TDRD5: variants seen among roughly 807,000 people sequenced by gnomAD.
The protein encoded by TDRD5 is tudor domain-containing protein 5.
Under a neutral mutation model 120.6 loss-of-function variants are expected in TDRD5, and 41 were observed. The observed-to-expected ratio is 0.34, with a 90% confidence interval of 0.26 to 0.44. The LOEUF is 0.44. TDRD5 is among the 20% of genes least tolerant of loss of function. The pLI is 1.00. For synonymous variants in TDRD5, 430 were observed against 433.7 expected (o/e 0.99, Z 0.11); for missense variants, 1,006 against 1,221.2 (o/e 0.82, Z 2.63).
intron 6 of TDRD5, among the ~76,000 whole-genome samples, chr1:179,624,531 A>G (rs548444832): frequency 6.6e-6 from 1 of 152,366 alleles, no homozygotes; most frequent in Admixed American, 6.5e-5. Flanking sequence ...TAAGGAATCC[A>G]TGAAAAAGCT....
intron 16 of TDRD5, among the ~76,000 whole-genome samples, chr1:179,665,578 T>A (rs961982236): frequency 6.6e-6 from 1 of 152,208 alleles, no homozygotes; most frequent in Non-Finnish European, 1.5e-5. Context: ...GGATTCTTAA[T>A]CCTATTCTCT....
chr1:179,632,391 A>G (rs1189258595), intron 7 of TDRD5, among the ~76,000 whole-genome samples: 2 of 148,286 alleles, frequency 1.3e-5, no homozygotes, highest in Admixed American at 6.7e-5. Flanking sequence ...TATGATGGAC[A>G]GGTTTTGTTT....
intron 11 of TDRD5, among the ~76,000 whole-genome samples, chr1:179,641,533 GAAAAAAA>G (rs919225465): frequency 7.0e-6 from 1 of 143,452 alleles, no homozygotes; most frequent in Non-Finnish European, 1.5e-5. Context: ...CTCCGTCTCA[GAAAAAAA>G]AAAGAAGAAA....
intron 16 of TDRD5, among the ~76,000 whole-genome samples, chr1:179,665,528 T>G (rs1033120498): frequency 6.6e-6 from 1 of 152,190 alleles, no homozygotes; most frequent in African/African-American, 2.4e-5. Context: ...CTTGGCATCC[T>G]TATTGAAAAT....
At chr1:179,645,716 T>C (rs1355173670) in intron 11 of TDRD5, among the ~76,000 whole-genome samples, 2 of 152,202 alleles carry the variant, frequency 1.3e-5, no homozygotes, top group African/African-American at 2.4e-5. Flanking sequence ...TTTCTTCCTA[T>C]AGTTCAGTCA....
chr1:179,637,663 C>T (rs2102019559), intron 9 of TDRD5, among the ~76,000 whole-genome samples: 1 of 151,660 alleles, frequency 6.6e-6, no homozygotes, highest in East Asian at 1.9e-4. Context: ...TGCAGTGAGT[C>T]ATGATTGTGC....
At position 179,690,387 on chromosome 1, in the gene TDRD5, G is replaced by A. The variant is rs76600770; in HGVS notation, c.2861-309G>A. Among the ~76,000 whole-genome samples, 907 of 152,256 alleles carry A rather than the reference G, an allele frequency of 6.0e-3. 30 individuals are homozygous for A. In the East Asian group the frequency reaches 0.091, roughly 15 times the overall value. On this transcript the variant is annotated intron_variant, in intron 17 of 17. Coordinates refer to ENST00000444136, the MANE Select transcript of TDRD5 (RefSeq NM_001199085.3). ...CACTTATGGGCTCTTTGGGATTTCCGTTATATCCAATTTATTTTTATGACA... is the reference window on the plus strand; with the variant it reads ...CACTTATGGGCTCTTTGGGATTTCCATTATATCCAATTTATTTTTATGACA...
At chr1:179,636,672 T>G (rs1359232369) in intron 9 of TDRD5, among the ~76,000 whole-genome samples, 1 of 152,242 alleles carries the variant, frequency 6.6e-6, no homozygotes, top group African/African-American at 2.4e-5. Flanking sequence ...GTTGACACAT[T>G]TCATTATGCA....
intron 6 of TDRD5, among the ~76,000 whole-genome samples, chr1:179,622,225 C>T (rs969090274): frequency 1.3e-5 from 2 of 152,082 alleles, no homozygotes; most frequent in Non-Finnish European, 2.9e-5. Context: ...TCTTTTAAGG[C>T]TAAAAGAACT....
chr1:179,643,885 C>T (rs1678193314), intron 11 of TDRD5, among the ~76,000 whole-genome samples: 1 of 152,050 alleles, frequency 6.6e-6, no homozygotes, highest in Non-Finnish European at 1.5e-5. Context: ...AAAACCATAC[C>T]TAGGCACATG....
At chr1:179,615,945 A>T (rs528256536) in intron 4 of TDRD5, among the ~76,000 whole-genome samples, 1 of 152,116 alleles carries the variant, frequency 6.6e-6, no homozygotes, top group Non-Finnish European at 1.5e-5. Flanking sequence ...CATTGTCCTT[A>T]TAGCACTAGG....
At chr1:179,648,490 T>C (rs1285792401) in intron 11 of TDRD5, among the ~76,000 whole-genome samples, 19 of 137,578 alleles carry the variant, frequency 1.4e-4, no homozygotes, top group African/African-American at 5.0e-4. Flanking sequence ...ATATACCTAA[T>C]GCTAGATGAC....
chr1:179,643,656 G>T (rs536250994), intron 11 of TDRD5, among the ~76,000 whole-genome samples: 1 of 152,104 alleles, frequency 6.6e-6, no homozygotes, highest in South Asian at 2.1e-4. Flanking sequence ...GTGAAGAAGA[G>T]CATAAAAAAT....
At chr1:179,635,393 G>A (rs916713224) in intron 8 of TDRD5, among the ~76,000 whole-genome samples, 5 of 152,050 alleles carry the variant, frequency 3.3e-5, no homozygotes, top group East Asian at 3.9e-4. Context: ...ATTGTGTAAC[G>A]CTTTTAAACT....
chr1:179,690,793 G>C lies in TDRD5; in HGVS notation c.2958G>C (p.Leu986=), dbSNP rs200779614. Residue 986 remains leucine, a synonymous_variant, in exon 18 of 18, where the codon CTG becomes CTC. Transcript: ENST00000444136. ...KDKRQESVDQ[L]SLILSYECQI... ...AGCGTCAAGAATCTGTAGACCAGCT[G>C]TCTTTGATTTTGTCTTATGAGTGCC... 801 of 1,614,242 alleles carry C rather than the reference G, an allele frequency of 5.0e-4. 1 individual carries two copies. Among genetic ancestry groups the C allele is most frequent in the South Asian group, 3.3e-3 (300 of 91,088 alleles).
In TDRD5 at chr1:179,652,143, T is replaced by C; in HGVS notation, c.2106T>C (p.Phe702=). 1.2e-6 allele frequency: 2 copies of C among 1,613,996 alleles called. No individual in the cohort carries two copies. The highest frequency in any genetic ancestry group is 1.7e-6 in the Non-Finnish European group (2 of 1,179,984). ...GTTATCCTTCCCAGCAGCACTATTT[T>C]AATGAAGACCGAAAGATAAGTCCAC... ...ELGYPSQQHY[F]NEDRKISPQS... The change falls in exon 13 of 18, where the codon TTT becomes TTC. Residue 702 remains phenylalanine, a synonymous_variant. Transcript: ENST00000444136.
At chr1:179,604,618 C>G (rs1396079016) in intron 4 of TDRD5, among the ~76,000 whole-genome samples, 3 of 152,036 alleles carry the variant, frequency 2.0e-5, no homozygotes, top group Non-Finnish European at 2.9e-5. Flanking sequence ...TAATTTCCAT[C>G]TTGATTTCAT....
intron 16 of TDRD5, among the ~76,000 whole-genome samples, chr1:179,668,489 G>A (rs1179982017): frequency 6.6e-6 from 1 of 152,168 alleles, no homozygotes; most frequent in African/African-American, 2.4e-5. Flanking sequence ...AGAAGACGTA[G>A]TATCACCTAC....
chr1:179,618,393 C>T (rs1401149730), intron 4 of TDRD5, among the ~76,000 whole-genome samples: 1 of 152,150 alleles, frequency 6.6e-6, no homozygotes, highest in Non-Finnish European at 1.5e-5. Flanking sequence ...AATTCCTCAG[C>T]ATTTAGTTTC....
Sources: allele counts gnomAD v4.1 joint callset (sites outside exome capture counted in the v4.1 genomes callset), GRCh38; gene constraint gnomAD v4.1.1; transcripts MANE v1.5; gene names NCBI Gene and HGNC (gene_info 2026-07-23, HGNC 2026-07-21).